The following MBL2 variants were observed in gnomAD, a reference collection of about 807,000 sequenced individuals.
MBL2 encodes the protein mannose-binding protein C.
MBL2 carries 6 observed loss-of-function variants against 12.7 expected under a neutral mutation model. The observed-to-expected ratio is 0.47, with a 90% CI of 0.26 to 0.94. The LOEUF is 0.94. MBL2 is among the 40% of genes least tolerant of loss of function. MBL2 has a pLI of 0.15. For missense variants in MBL2, 307 were observed against 295.2 expected (o/e 1.04, Z -0.29); for synonymous variants, 114 against 112.0 (o/e 1.02, Z -0.11).
At position 52,771,585 on chromosome 10, in the gene MBL2, C is replaced by T. The variant is rs56412725; in HGVS notation, c.51G>A (p.Ala17=). 7.0e-5 allele frequency: 113 copies of T among 1,613,792 alleles called. 4 individuals carry two copies. The South Asian group carries it at 8.2e-4, about 12-fold the overall frequency. Residue 17 remains alanine (A), a synonymous_variant, in exon 2 of 5, where the codon GCG becomes GCA. Transcript: ENST00000674931. ...LPLLLLSMVA[A]SYSETVTCED... ...CACAGGTCACAGTTTCTGAGTAAGA[C>T]GCTGCCACCATACTCAGGAGAAGGA...
chr10:52,770,596 G>A (rs1840374921), intron 3 of MBL2, 74 bp downstream of exon 3: 1 of 892,636 alleles, frequency 1.1e-6, no homozygotes, highest in Non-Finnish European at 1.6e-6. Flanking sequence ...ACAGGAGAAG[G>A]GGCACCTCTT....
chr10:52,769,549 T>C (rs1345113774), intron 3 of MBL2, among the ~76,000 whole-genome samples: 2 of 152,196 alleles, frequency 1.3e-5, no homozygotes, highest in Non-Finnish European at 2.9e-5. Flanking sequence ...AAAGTACGCA[T>C]ACATATCACA....
chr10:52,771,346 G>A, intron 2 of MBL2, 103 bp downstream of exon 2: 1 of 1,315,270 alleles, frequency 7.6e-7, no homozygotes, highest in Non-Finnish European at 1.1e-6. Flanking sequence ...TTACAGTATA[G>A]TTGAGAAAAA....
chr10:52,768,942 G>T lies in MBL2; in HGVS notation c.373+305C>A, dbSNP rs183480530. Among the ~76,000 whole-genome samples the T allele has an allele frequency of 4.6e-5, 7 of 152,118 alleles. No homozygotes were observed. The East Asian group carries it at 1.3e-3, about 29-fold the overall frequency. On this transcript the variant is annotated intron_variant, in intron 4 of 4. Coordinates refer to ENST00000674931, the MANE Select transcript of MBL2 (RefSeq NM_001378373.1). ...CCCACGGCCAGGTCTCAATACCAGT[G>T]CAACAAAGGGATATAAGTCCCATTT...
At chr10:52,769,174 A>G (rs1380518158) in intron 4 of MBL2, 73 bp downstream of exon 4, 9 of 1,004,528 alleles carry the variant, frequency 9.0e-6, no homozygotes, top group Non-Finnish European at 7.6e-6. Flanking sequence ...AATTATATGC[A>G]TTCAACAAAT....
chr10:52,772,607 C>T lies in MBL2; in HGVS notation c.-10+130G>A, dbSNP rs573276630. ...CAGCACAAGCAGAAAAAGAGACATC[C>T]TCAACCTGATTTCTGCTTTCCATCC... is the stretch of plus-strand genomic sequence containing the variant. On this transcript the variant is annotated intron_variant, in intron 1 of 4. Transcript: ENST00000674931. The T allele has an allele frequency of 2.9e-5, 10 of 346,240 alleles. No individual in the cohort carries two copies. The East Asian group carries it at 1.7e-3, about 58-fold the overall frequency. 21.4% of individuals were successfully genotyped at this position (346,240 alleles called of 1,614,324 possible).
chr10:52,766,914 T>TACATGTTGG lies in MBL2; in HGVS notation c.*1214_*1222dup, dbSNP rs1840313449. The TACATGTTGG allele has an allele frequency of 2.6e-5, 4 of 152,102 alleles. No individual in the cohort carries two copies. The highest frequency in any genetic ancestry group is 2.6e-4 in the Admixed American group (4 of 15,268). 9.4% of individuals were successfully genotyped at this position (152,102 alleles called of 1,614,324 possible). On this transcript the variant is annotated 3_prime_UTR_variant, in exon 5 of 5. Transcript: ENST00000674931. ...CATATAAAAAAGTGTTCAACCTTATTACATGTTGGGGAAATACAGATTAAA... is the reference window on the plus strand; with the variant it reads ...CATATAAAAAAGTGTTCAACCTTATTACATGTTGGACATGTTGGGGAAATACAGATTAAA...
In MBL2 at chr10:52,771,344, T is replaced by C. The variant is rs543284277; in HGVS notation, c.187+105A>G. 7.1e-5 allele frequency: 91 copies of C among 1,282,776 alleles called. 1 individual carries two copies. The highest frequency in any genetic ancestry group is 8.1e-5 in the Non-Finnish European group (75 of 923,840). The allele number at this position is 1,282,776 out of a possible 1,614,324, so 79.5% of individuals were successfully genotyped here. ...TGAATCTCTGTTTTGAGTTACAGTA[T>C]AGTTGAGAAAAATATACTCAAATAG... is the stretch of plus-strand genomic sequence containing the variant. On this transcript the variant is annotated intron_variant, in intron 2 of 4. Transcript: ENST00000674931.
chr10:52,771,299 A>AGAT, intron 2 of MBL2, 150 bp downstream of exon 2: 1 of 943,158 alleles, frequency 1.1e-6, no homozygotes, highest in Non-Finnish European at 1.5e-6. Context: ...TGGAATTCTG[A>AGAT]GATGCCAGAG....
At chr10:52,771,792 C>T in intron 1 of MBL2, 148 bp from the exon 2 acceptor site, 1 of 1,178,112 alleles carries the variant, frequency 8.5e-7, no homozygotes, top group South Asian at 1.7e-5. Flanking sequence ...GAAAAGTAAA[C>T]ATTCCTTGTG....
Position 52,767,268 on chromosome 10 carries a change from G to A in MBL2, c.*869C>T, listed in dbSNP as rs1023078078. The A allele has an allele frequency of 6.6e-6, 1 of 151,946 alleles. No homozygotes were observed. The highest frequency in any genetic ancestry group is 1.5e-5 in the Non-Finnish European group (1 of 68,024). 9.4% of individuals were successfully genotyped at this position (151,946 alleles called of 1,614,324 possible). A position where few individuals can be genotyped will look rare whatever the true frequency, so the allele number is the denominator to read the frequency against. On this transcript the variant is annotated 3_prime_UTR_variant, in exon 5 of 5. Transcript: ENST00000674931. ...AGTGCCTATTAACAATAGAATGGAT[G>A]AACTGAGGAATATTAATATAAGGGA...
rs1042071696 is a variant in MBL2 at position 52,766,662 on chromosome 10, GAATA to G, written c.*1471_*1474del. 5 of 151,918 alleles carry G rather than the reference GAATA, an allele frequency of 3.3e-5. No individual in the cohort carries two copies. The highest frequency in any genetic ancestry group is 9.7e-5 in the African/African-American group (4 of 41,378). 9.4% of individuals were successfully genotyped at this position (151,918 alleles called of 1,614,324 possible). A position where few individuals can be genotyped will look rare whatever the true frequency, so the allele number is the denominator to read the frequency against. On this transcript the variant is annotated 3_prime_UTR_variant, in exon 5 of 5. Transcript: ENST00000674931. ...AAGCACTAATTTTGAAAGAAAATAT[GAATA>G]AATAAGACTTTCTCAAAATTAGGAA...
At position 52,769,840 on chromosome 10, in the gene MBL2, T is replaced by G. The variant is rs541942978; in HGVS notation, c.305-525A>C. ...GCCCATTATCCAAGTGGGGAGGGCA[T>G]GAGCAAATCACTTGTTGTAGTAGAT... On this transcript the variant is annotated intron_variant, in intron 3 of 4. Coordinates refer to ENST00000674931, the MANE Select transcript of MBL2 (RefSeq NM_001378373.1). 3.3e-5 allele frequency among the ~76,000 whole-genome samples: 5 copies of G among 152,302 alleles called. No individual in the cohort carries two copies. The South Asian group carries it at 8.3e-4, about 25-fold the overall frequency.
intron 1 of MBL2, 136 bp from the exon 2 acceptor site, chr10:52,771,780 T>C: frequency 7.8e-7 from 1 of 1,275,420 alleles, no homozygotes; most frequent in Non-Finnish European, 1.1e-6. Flanking sequence ...GCTGGGGATT[T>C]GGAAAAGTAA....
Position 52,768,262 on chromosome 10 carries a change from A to C in MBL2, c.622T>G (p.Trp208Gly), listed in dbSNP as rs767391194. 2.5e-6 allele frequency: 4 copies of C among 1,613,924 alleles called. No homozygotes were observed. The East Asian group carries it at 8.9e-5, about 36-fold the overall frequency. The change falls in exon 5 of 5, where the codon TGG (tryptophan) becomes GGG (glycine). Residue 208 changes from tryptophan to glycine, a missense_variant. Physicochemically the swap from Trp to Gly is radical, Grantham distance 184. Transcript: ENST00000674931. ...LTGNRLTYTN[W>G]NEGEPNNAGS... Reference sequence around the variant, plus strand: ...GCATTGTTGGGTTCACCCTCGTTCCAGTTTGTGTAGGTCAGTCTATTTCCT... The same window carrying C: ...GCATTGTTGGGTTCACCCTCGTTCCCGTTTGTGTAGGTCAGTCTATTTCCT...
At chr10:52,771,224 G>A (rs188123968) in intron 2 of MBL2, among the ~76,000 whole-genome samples, 2 of 152,260 alleles carry the variant, frequency 1.3e-5, no homozygotes, top group African/African-American at 4.8e-5. Context: ...TGTCCCACGG[G>A]ATGGCCTGAC....
chr10:52,768,661 A>G (rs891798027), intron 4 of MBL2, 151 bp from the exon 5 acceptor site: 16 of 568,894 alleles, frequency 2.8e-5, no homozygotes, highest in African/African-American at 2.3e-4. Flanking sequence ...ATATTTTAGT[A>G]TATCTCCCAT....
At position 52,769,334 on chromosome 10, in the gene MBL2, G is replaced by GT. The variant is rs1468411615; in HGVS notation, c.305-20dup. On this transcript the variant is annotated intron_variant, in intron 3 of 4. Transcript: ENST00000674931. ...TCACCATCTAGAAAATTAGAACAAA[G>GT]TAAAGAAGCATTGTTGAGAAGGAGC... 2 of 1,560,774 alleles carry GT rather than the reference G, an allele frequency of 1.3e-6. No homozygotes were observed. The highest frequency in any genetic ancestry group is 1.8e-6 in the Non-Finnish European group (2 of 1,135,726).
chr10:52,770,497 C>T (rs966905725), intron 3 of MBL2, among the ~76,000 whole-genome samples, 173 bp downstream of exon 3: 1 of 152,174 alleles, frequency 6.6e-6, no homozygotes, highest in African/African-American at 2.4e-5. Context: ...TACTCAGGCA[C>T]TTATAGGAAT....
Sources: allele counts gnomAD v4.1 joint callset (sites outside exome capture counted in the v4.1 genomes callset), GRCh38; gene constraint gnomAD v4.1.1; transcripts MANE v1.5; gene names NCBI Gene and HGNC (gene_info 2026-07-23, HGNC 2026-07-21).